SEMA5B: variants seen among roughly 807,000 people sequenced by gnomAD.
SEMA5B encodes semaphorin 5B.
SEMA5B carries 66 observed loss-of-function variants against 135.0 expected under a neutral mutation model. The ratio of observed to expected loss-of-function variants is 0.49; its 90% confidence interval spans 0.40 to 0.60. SEMA5B has a LOEUF of 0.60. SEMA5B is among the 20% of genes least tolerant of loss of function. The pLI, the probability that SEMA5B is intolerant of heterozygous loss-of-function variation, is 0.00. For synonymous variants in SEMA5B, 690 were observed against 639.5 expected, an observed-to-expected ratio of 1.08 and a Z score of -1.19; for missense variants, 1,501 against 1,566.3, an observed-to-expected ratio of 0.96 and a Z score of 0.70.
intron 3 of SEMA5B, among the ~76,000 whole-genome samples, chr3:122,945,906 G>A (rs1286684219): frequency 1.3e-5 from 2 of 152,016 alleles, no homozygotes; most frequent in Admixed American, 6.6e-5. Flanking sequence ...ACCCACATGG[G>A]CAAGGGGGAT....
chr3:122,996,171 C>G (rs1942017280), intron 1 of SEMA5B, among the ~76,000 whole-genome samples: 1 of 152,248 alleles, frequency 6.6e-6, no homozygotes. Flanking sequence ...GGGGGCAGCT[C>G]TTCTCCAACA....
At chr3:123,018,248 C>T (rs73859432) in intron 1 of SEMA5B, among the ~76,000 whole-genome samples, 1 of 152,244 alleles carries the variant, frequency 6.6e-6, no homozygotes, top group Non-Finnish European at 1.5e-5. Context: ...TCTGTTTACC[C>T]ATCGGGTTGG....
intron 1 of SEMA5B, among the ~76,000 whole-genome samples, chr3:122,970,325 G>A (rs1324596364): frequency 2.0e-5 from 3 of 152,208 alleles, no homozygotes; most frequent in Non-Finnish European, 4.4e-5. Context: ...CTCCAGCCTC[G>A]TGGTTCTCAC....
At chr3:122,921,062 G>C (rs11915592) in intron 12 of SEMA5B, among the ~76,000 whole-genome samples, 1 of 151,884 alleles carries the variant, frequency 6.6e-6, no homozygotes, top group African/African-American at 2.4e-5. Context: ...GCCCAGCTCC[G>C]AGCACACCCC....
Position 122,961,171 on chromosome 3 carries a change from T to A in SEMA5B, c.93A>T (p.Thr31=), listed in dbSNP as rs369169747. Residue 31 remains threonine, a synonymous_variant, in exon 2 of 23, where the codon ACA becomes ACT. Coordinates refer to ENST00000357599, the MANE Select transcript of SEMA5B (RefSeq NM_001031702.4). ...TPAQQLRCGW[T]VGGWLLSLVR... Reference sequence around the variant, plus strand: ...CCAGTGAGAGAAGCCAGCCCCCTACTGTCCATCCACACCTTAGCTGTTGGG... The same window carrying A: ...CCAGTGAGAGAAGCCAGCCCCCTACAGTCCATCCACACCTTAGCTGTTGGG... 18 of 1,613,506 alleles carry A rather than the reference T, an allele frequency of 1.1e-5. No individual in the cohort carries two copies. Among genetic ancestry groups the A allele is most frequent in the East Asian group, 6.7e-5 (3 of 44,850 alleles).
At chr3:122,966,597 C>G (rs546581513) in intron 1 of SEMA5B, among the ~76,000 whole-genome samples, 1 of 149,704 alleles carries the variant, frequency 6.7e-6, no homozygotes, top group East Asian at 2.0e-4. Flanking sequence ...CTCTATCACC[C>G]AGGCTGGAGT....
rs773464879 is a variant in SEMA5B at position 122,976,088 on chromosome 3, G to T, written c.-38-14787C>A. The T allele has an allele frequency of 1.6e-4, 245 of 1,535,072 alleles. 2 individuals carry two copies. In the Middle Eastern group the frequency reaches 1.8e-3, roughly 11 times the overall value. The stretch of plus-strand genomic sequence containing the variant: ...CTATGAAGCTCCTTCTGACCCTCAC[G>T]CAGCCAATGGCTTCCTCTGCTGACA... On this transcript the variant is annotated intron_variant, in intron 1 of 22. Transcript: ENST00000357599.
In SEMA5B at chr3:122,916,291, T is replaced by C. The variant is rs76996975; in HGVS notation, c.1689-401A>G. The stretch of plus-strand genomic sequence containing the variant: ...GGTTAACAGGAACCCAAAGAGGAAA[T>C]GCCTCCCTGGCACATGCTATGATCA... On this transcript the variant is annotated intron_variant, in intron 12 of 22. Transcript: ENST00000357599. Among the ~76,000 whole-genome samples the C allele has an allele frequency of 3.9e-3, 588 of 152,284 alleles. 4 individuals carry two copies. The highest frequency in any genetic ancestry group is 0.014 in the African/African-American group (572 of 41,548).
At position 122,914,008 on chromosome 3, in the gene SEMA5B, G is replaced by T. The variant is rs772113327; in HGVS notation, c.1989-7C>A. On this transcript the variant is annotated splice_region_variant and splice_polypyrimidine_tract_variant and intron_variant, in intron 14 of 22. Coordinates refer to ENST00000357599, the MANE Select transcript of SEMA5B (RefSeq NM_001031702.4). The stretch of plus-strand genomic sequence containing the variant: ...CGGGGTCCACGCCCCATTCCTGGCG[G>T]GGTGGGAGGGGACAGAGACAGATGC... 1.1e-5 allele frequency: 18 copies of T among 1,574,992 alleles called. 1 individual carries two copies. Among genetic ancestry groups the T allele is most frequent in the Non-Finnish European group, 3.5e-6 (4 of 1,158,874 alleles).
intron 1 of SEMA5B, among the ~76,000 whole-genome samples, chr3:122,984,629 T>A (rs937925238): frequency 6.6e-6 from 1 of 152,174 alleles, no homozygotes; most frequent in African/African-American, 2.4e-5. Context: ...GGTACAATGT[T>A]TGCTATTTGG....
intron 9 of SEMA5B, among the ~76,000 whole-genome samples, chr3:122,924,154 T>C (rs921922256): frequency 1.3e-5 from 2 of 152,180 alleles, no homozygotes; most frequent in Non-Finnish European, 2.9e-5. Flanking sequence ...CACTCTGATA[T>C]TTTATTCCAT....
At position 122,913,546 on chromosome 3, in the gene SEMA5B, C is replaced by A. The variant is rs1160142048; in HGVS notation, c.2268G>T (p.Leu756=). ...RRACENGNSC[L]GCGVEFKTCN... ...CCCCAACCCTCACCACGCCGCAGCCCAGGCAGGAGTTGCCGTTCTCGCAGG... is the reference window on the plus strand; with the variant it reads ...CCCCAACCCTCACCACGCCGCAGCCAAGGCAGGAGTTGCCGTTCTCGCAGG... Residue 756 remains leucine (L), a synonymous_variant, in exon 16 of 23, where the codon CTG becomes CTT. Transcript: ENST00000357599. 1.9e-6 allele frequency: 3 copies of A among 1,612,278 alleles called. No individual in the cohort carries two copies. The highest frequency in any genetic ancestry group is 2.5e-6 in the Non-Finnish European group (3 of 1,179,762).
At chr3:122,974,397 C>T (rs1425284482) in intron 1 of SEMA5B, among the ~76,000 whole-genome samples, 1 of 152,250 alleles carries the variant, frequency 6.6e-6, no homozygotes, top group East Asian at 1.9e-4. Context: ...GGTGCACACT[C>T]GCCTGCGCAC....
intron 3 of SEMA5B, among the ~76,000 whole-genome samples, chr3:122,946,173 G>A (rs80276626): frequency 0.015 from 2,250 of 152,316 alleles, 20 homozygotes; most frequent in Non-Finnish European, 0.023. Context: ...ATTAACCACC[G>A]TCATTTGTTA....
At chr3:122,958,706 G>A (rs1400314474) in intron 2 of SEMA5B, among the ~76,000 whole-genome samples, 2 of 152,194 alleles carry the variant, frequency 1.3e-5, no homozygotes, top group Non-Finnish European at 2.9e-5. Context: ...TTGGACCAGA[G>A]AGGCAAGGCA....
chr3:123,023,554 C>T (rs1942737511), intron 1 of SEMA5B, among the ~76,000 whole-genome samples: 1 of 152,136 alleles, frequency 6.6e-6, no homozygotes, highest in South Asian at 2.1e-4. Flanking sequence ...AGGTGTTTAG[C>T]TTTGATGAGT....
intron 1 of SEMA5B, among the ~76,000 whole-genome samples, chr3:122,999,991 C>T (rs1365473468): frequency 3.9e-5 from 6 of 152,266 alleles, no homozygotes; most frequent in South Asian, 4.1e-4. Context: ...GGGCAGATCA[C>T]GAGATCAAGA....
intron 1 of SEMA5B, among the ~76,000 whole-genome samples, chr3:122,999,371 C>T (rs939119312): frequency 5.9e-5 from 9 of 152,066 alleles, no homozygotes; most frequent in South Asian, 2.1e-4. Flanking sequence ...GGATTACAGG[C>T]GCCTGTGACC....
At chr3:123,016,014 A>T (rs1942546283) in intron 1 of SEMA5B, among the ~76,000 whole-genome samples, 1 of 152,192 alleles carries the variant, frequency 6.6e-6, no homozygotes, top group African/African-American at 2.4e-5. Flanking sequence ...GTTTGGTGAG[A>T]CCCAGGTCCA....
Sources: allele counts gnomAD v4.1 joint callset (sites outside exome capture counted in the v4.1 genomes callset), GRCh38; gene constraint gnomAD v4.1.1; transcripts MANE v1.5; gene names NCBI Gene and HGNC (gene_info 2026-07-23, HGNC 2026-07-21).